Variants in LSM14A observed in about 807,000 individuals in gnomAD.
LSM14A encodes the protein LSM14A mRNA processing body assembly factor.
A neutral mutation model predicts 52.4 loss-of-function variants in LSM14A; 14 were observed. That is an observed-to-expected ratio of 0.27 (90% CI 0.18 to 0.42). The LOEUF (loss-of-function observed/expected upper bound fraction) is 0.42, where lower values mean the gene tolerates loss of function less well. Among genes scored for constraint, LSM14A ranks in the 10% least tolerant of loss-of-function variants. LSM14A has a pLI of 1.00. For synonymous variants in LSM14A, 185 were observed against 200.3 expected (o/e 0.92, Z 0.64); for missense variants, 417 against 581.8 (o/e 0.72, Z 2.91).
At chr19:34,178,187 A>ATAATAG in intron 1 of LSM14A, among the ~76,000 whole-genome samples, 2 of 151,990 alleles carry the variant, frequency 1.3e-5, no homozygotes, top group Middle Eastern at 3.4e-3. Context: ...CAAAATAATA[A>ATAATAG]TAATAATCTG....
chr19:34,173,592 T>C (rs983213028), intron 1 of LSM14A, among the ~76,000 whole-genome samples: 12 of 152,190 alleles, frequency 7.9e-5, no homozygotes, highest in Admixed American at 3.9e-4. Context: ...ATATTTGGCA[T>C]CCCTAGAGTC....
chr19:34,207,532 A>G (rs531263087), intron 3 of LSM14A, among the ~76,000 whole-genome samples: 2 of 136,196 alleles, frequency 1.5e-5, no homozygotes, highest in African/African-American at 5.5e-5. Flanking sequence ...CTGAAGCCAC[A>G]TTTTTTTTTT....
chr19:34,219,941 A>G, intron 8 of LSM14A, 64 bp downstream of exon 8: 2 of 1,236,048 alleles, frequency 1.6e-6, no homozygotes, highest in East Asian at 4.6e-5. Flanking sequence ...GGTTTCATGT[A>G]AATTCACGAG....
At chr19:34,225,441 T>G (rs2073291931) in intron 9 of LSM14A, among the ~76,000 whole-genome samples, 1 of 152,168 alleles carries the variant, frequency 6.6e-6, no homozygotes, top group African/African-American at 2.4e-5. Context: ...ATCTAACACT[T>G]CCTCCCAGAG....
At chr19:34,202,948 C>A (rs1159224454) in intron 3 of LSM14A, among the ~76,000 whole-genome samples, 1 of 152,176 alleles carries the variant, frequency 6.6e-6, no homozygotes, top group Non-Finnish European at 1.5e-5. Context: ...TGAGCCACCG[C>A]GCCTGGCGGA....
chr19:34,203,811 AAAAAAG>A (rs374712896), intron 3 of LSM14A, among the ~76,000 whole-genome samples: 71 of 151,912 alleles, frequency 4.7e-4, no homozygotes, highest in African/African-American at 1.7e-3. Flanking sequence ...TCAAAAAAAA[AAAAAAG>A]AAAGAAAGAT....
intron 8 of LSM14A, 166 bp from the exon 9 acceptor site, chr19:34,221,341 C>G: frequency 1.3e-6 from 1 of 767,182 alleles, no homozygotes. Context: ...CTCGGCCTCC[C>G]AAAGTGCTGG....
chr19:34,185,102 C>T (rs569470446), intron 1 of LSM14A, among the ~76,000 whole-genome samples: 2 of 152,296 alleles, frequency 1.3e-5, no homozygotes, highest in South Asian at 2.1e-4. Context: ...AAGATGGGCT[C>T]TTAACAAGAT....
intron 1 of LSM14A, among the ~76,000 whole-genome samples, chr19:34,186,159 T>A (rs1039021041): frequency 6.6e-6 from 1 of 152,202 alleles, no homozygotes; most frequent in Non-Finnish European, 1.5e-5. Context: ...TAGATACAGA[T>A]CTTTCTCCAG....
At chr19:34,209,862 A>G (rs1280428227) in intron 4 of LSM14A, among the ~76,000 whole-genome samples, 3 of 149,832 alleles carry the variant, frequency 2.0e-5, no homozygotes, top group Non-Finnish European at 4.5e-5. Context: ...TTTTTTTTAA[A>G]GATAGGTCTC....
intron 1 of LSM14A, among the ~76,000 whole-genome samples, chr19:34,181,178 A>G (rs1398195566): frequency 6.6e-6 from 1 of 152,174 alleles, no homozygotes; most frequent in Admixed American, 6.5e-5. Context: ...TGGTGATTCA[A>G]GAACATTGCT....
chr19:34,196,612 A>G (rs773870429), intron 2 of LSM14A, 22 bp from the exon 3 acceptor site: 12 of 1,573,054 alleles, frequency 7.6e-6, no homozygotes, highest in Middle Eastern at 1.9e-4. Flanking sequence ...GCTTGGAAAC[A>G]TAACTCATGA....
chr19:34,211,400 A>T (rs2072139230), intron 4 of LSM14A, among the ~76,000 whole-genome samples: 1 of 152,198 alleles, frequency 6.6e-6, no homozygotes, highest in African/African-American at 2.4e-5. Flanking sequence ...TATACAAAAT[A>T]TATAATAAGA....
chr19:34,179,687 A>G (rs73929368), intron 1 of LSM14A, among the ~76,000 whole-genome samples: 2,375 of 152,276 alleles, frequency 0.016, 71 homozygotes, highest in African/African-American at 0.054. Flanking sequence ...AAGAAAAAAA[A>G]TAGTAGAAGG....
intron 3 of LSM14A, 72 bp from the exon 4 acceptor site, chr19:34,208,857 A>G (rs1308234095): frequency 9.8e-7 from 1 of 1,025,552 alleles, no homozygotes; most frequent in East Asian, 2.7e-5. Flanking sequence ...AAAATGCTGC[A>G]TTACTTTATA....
At chr19:34,179,552 G>A (rs1384161877) in intron 1 of LSM14A, among the ~76,000 whole-genome samples, 1 of 152,108 alleles carries the variant, frequency 6.6e-6, no homozygotes, top group Non-Finnish European at 1.5e-5. Flanking sequence ...TACATAGTCC[G>A]CAGAAATACT....
chr19:34,200,031 C>A (rs191247272), intron 3 of LSM14A, among the ~76,000 whole-genome samples: 4 of 152,258 alleles, frequency 2.6e-5, no homozygotes, highest in Non-Finnish European at 5.9e-5. Context: ...TTGCCATGAA[C>A]AATTATGTGT....
chr19:34,204,727 AAAATT>A (rs2071553987), intron 3 of LSM14A, among the ~76,000 whole-genome samples: 1 of 152,200 alleles, frequency 6.6e-6, no homozygotes, highest in African/African-American at 2.4e-5. Context: ...CTAAAAAGAA[AAAATT>A]AAATTAAAAA....
intron 1 of LSM14A, among the ~76,000 whole-genome samples, chr19:34,186,721 G>A (rs534567373): frequency 6.6e-6 from 1 of 152,292 alleles, no homozygotes; most frequent in South Asian, 2.1e-4. Context: ...AGTATGCTGG[G>A]ACCAGGTCTT....
Sources: gnomAD v4.1 joint callset for allele counts (sites outside exome capture counted in the v4.1 genomes callset) on GRCh38, gnomAD v4.1.1 for gene constraint, MANE v1.5 for transcripts, NCBI Gene and HGNC (gene_info 2026-07-23, HGNC 2026-07-21) for gene names.